UBAP2L: variants seen among roughly 807,000 people sequenced by gnomAD.
UBAP2L encodes the protein ubiquitin-associated protein 2-like.
Under a neutral mutation model 130.6 loss-of-function variants are expected in UBAP2L, and 12 were observed. That is an observed-to-expected ratio of 0.09 (90% CI 0.06 to 0.15). The LOEUF (loss-of-function observed/expected upper bound fraction) is 0.15. Ranked by LOEUF, UBAP2L falls within the 10% of genes least tolerant of loss-of-function variation. UBAP2L has a pLI of 1.00. For synonymous variants in UBAP2L, 503 were observed against 524.7 expected, an observed-to-expected ratio of 0.96 and a Z score of 0.57; for missense variants, 965 against 1,332.5, an observed-to-expected ratio of 0.72 and a Z score of 4.29.
intron 26 of UBAP2L, among the ~76,000 whole-genome samples, chr1:154,269,996 TC>T (rs1684398137): frequency 6.6e-6 from 1 of 152,124 alleles, no homozygotes; most frequent in Non-Finnish European, 1.5e-5. Context: ...CTTCATCTTT[TC>T]CCTATTTAAA....
chr1:154,266,075 TC>T (rs1683146566), intron 24 of UBAP2L, among the ~76,000 whole-genome samples: 1 of 152,200 alleles, frequency 6.6e-6, no homozygotes, highest in African/African-American at 2.4e-5. Flanking sequence ...AAATGTCACT[TC>T]AGGAAGAGAG....
At chr1:154,223,861 A>T in intron 1 of UBAP2L, among the ~76,000 whole-genome samples, 1 of 152,160 alleles carries the variant, frequency 6.6e-6, no homozygotes, top group Non-Finnish European at 1.5e-5. Flanking sequence ...TCCCACTCAA[A>T]TCCAGTAATA....
intron 18 of UBAP2L, among the ~76,000 whole-genome samples, chr1:154,256,337 A>C (rs1471303171): frequency 6.6e-6 from 1 of 152,178 alleles, no homozygotes; most frequent in Non-Finnish European, 1.5e-5. Context: ...ACAGTTTCAG[A>C]TTTAAAGTCA....
intron 7 of UBAP2L, 115 bp downstream of exon 7, chr1:154,236,726 A>T (rs1671810003): frequency 1.1e-5 from 12 of 1,107,070 alleles, no homozygotes; most frequent in Non-Finnish European, 1.5e-5. Flanking sequence ...ATGGGGACTT[A>T]GGGCTCATTT....
intron 11 of UBAP2L, 106 bp from the exon 12 acceptor site, chr1:154,249,128 ATTCTT>A: frequency 1.0e-6 from 1 of 981,424 alleles, no homozygotes; most frequent in Non-Finnish European, 1.6e-6. Context: ...GTGTGACAGT[ATTCTT>A]TACTTGCCTG....
chr1:154,254,643 TTTG>T (rs139651266), intron 15 of UBAP2L, 190 bp from the exon 16 acceptor site: 288,140 of 621,594 alleles, frequency 0.46, 68,619 homozygotes, highest in Admixed American at 0.61. Context: ...ATATCTCAGT[TTTG>T]TTGTTTAATT....
intron 17 of UBAP2L, 79 bp downstream of exon 17, chr1:154,255,405 C>A: frequency 1.3e-6 from 2 of 1,538,672 alleles, no homozygotes; most frequent in Non-Finnish European, 1.8e-6. Context: ...CTCCCTTGAC[C>A]TGGCAGAGAC....
chr1:154,262,705 G>A (rs1681959946), intron 24 of UBAP2L, among the ~76,000 whole-genome samples: 1 of 152,152 alleles, frequency 6.6e-6, no homozygotes, highest in Admixed American at 6.5e-5. Context: ...TTTGAACTGT[G>A]CTGCATGAGT....
intron 11 of UBAP2L, among the ~76,000 whole-genome samples, chr1:154,246,602 T>C (rs1402710396): frequency 1.3e-5 from 2 of 152,254 alleles, no homozygotes; most frequent in African/African-American, 4.8e-5. Context: ...GTTAACATTA[T>C]TTATTGACTA....
intron 10 of UBAP2L, among the ~76,000 whole-genome samples, chr1:154,244,977 G>A (rs1674899657): frequency 6.6e-6 from 1 of 152,024 alleles, no homozygotes; most frequent in Non-Finnish European, 1.5e-5. Flanking sequence ...TGTTGCCCAG[G>A]CTGGAGGGCA....
chr1:154,229,884 C>T (rs1669245019), intron 4 of UBAP2L, among the ~76,000 whole-genome samples: 1 of 152,106 alleles, frequency 6.6e-6, no homozygotes. Context: ...GAGTCAGAGT[C>T]TTGCTCTTGT....
chr1:154,269,698 C>G (rs962509899), intron 26 of UBAP2L: 2 of 327,720 alleles, frequency 6.1e-6, no homozygotes, highest in African/African-American at 4.3e-5. Context: ...GCCTCTCATA[C>G]CTGCCTGAAA....
chr1:154,270,164 C>T (rs756248377), intron 26 of UBAP2L, 36 bp from the exon 27 acceptor site: 1 of 1,547,252 alleles, frequency 6.5e-7, no homozygotes, highest in Non-Finnish European at 8.7e-7. Flanking sequence ...AACTAGACAC[C>T]TTTTTCCTCC....
chr1:154,227,223 C>CAGAACAGTGGAGG (rs1668248379), intron 2 of UBAP2L, 59 bp from the exon 3 acceptor site: 3 of 1,462,512 alleles, frequency 2.1e-6, no homozygotes, highest in Non-Finnish European at 1.9e-6. Flanking sequence ...GAAATAGGTT[C>CAGAACAGTGGAGG]CTGTTCTCTA....
At position 154,256,647 on chromosome 1, in the gene UBAP2L, T is replaced by G. The variant is rs557836143; in HGVS notation, c.2158-416T>G. Among the ~76,000 whole-genome samples the G allele has an allele frequency of 3.3e-5, 5 of 152,224 alleles. No individual in the cohort carries two copies. In the South Asian group the frequency reaches 8.3e-4, roughly 25 times the overall value. On this transcript the variant is annotated intron_variant, in intron 18 of 26. Transcript: ENST00000428931. ...GGATGGGACCCTGTCTCAAAAAAAA[T>G]GTAAAATCAGAATTTTTGCTTTTTC...
At chr1:154,220,469 G>A (rs1665514360), upstream of UBAP2L, 4 of 1,604,346 alleles carry the variant, frequency 2.5e-6, no homozygotes, top group South Asian at 2.2e-5. Context: ...GGTCAGCCCA[G>A]GCTCCGCCGA....
At chr1:154,228,402 G>T (rs1571609092) in intron 3 of UBAP2L, among the ~76,000 whole-genome samples, 1 of 152,116 alleles carries the variant, frequency 6.6e-6, no homozygotes, top group African/African-American at 2.4e-5. Flanking sequence ...GGTCAGGTTG[G>T]TCTCAAACTC....
chr1:154,249,485 C>A (rs773663598), intron 12 of UBAP2L, 48 bp downstream of exon 12: 3 of 1,609,698 alleles, frequency 1.9e-6, no homozygotes, highest in Non-Finnish European at 2.5e-6. Context: ...TGGAGCATTA[C>A]TGTCAAGAGG....
rs759853598 is a variant in UBAP2L at position 154,236,556 on chromosome 1, C to T, written c.545-10C>T. On this transcript the variant is annotated splice_polypyrimidine_tract_variant and intron_variant, in intron 6 of 26. Coordinates refer to ENST00000428931, the MANE Select transcript of UBAP2L (RefSeq NM_014847.4). ...ACATCTCTCTTCTCTTTTTCTCATT[C>T]TTTCTTTAGGTGGCTCTGGTAGGCG... The T allele has an allele frequency of 5.0e-6, 8 of 1,613,736 alleles. No homozygotes were observed. In the South Asian group the frequency reaches 8.8e-5, roughly 18 times the overall value.
Sources: gnomAD v4.1 joint callset for allele counts (sites outside exome capture counted in the v4.1 genomes callset) on GRCh38, gnomAD v4.1.1 for gene constraint, MANE v1.5 for transcripts, NCBI Gene and HGNC (gene_info 2026-07-23, HGNC 2026-07-21) for gene names.